The following RIPOR3 variants were observed in gnomAD, a reference collection of about 807,000 sequenced individuals.
RIPOR3 encodes family with sequence similarity 65 member C.
RIPOR3 carries 95 observed loss-of-function variants against 114.3 expected under a neutral mutation model. The ratio of observed to expected loss-of-function variants is 0.83; its 90% confidence interval spans 0.70 to 0.99. The LOEUF (loss-of-function observed/expected upper bound fraction) is 0.99. Among genes scored for constraint, RIPOR3 ranks in the 50% least tolerant of loss-of-function variants. RIPOR3 has a pLI of 0.00. For missense variants in RIPOR3, 1,252 were observed against 1,266.9 expected, an observed-to-expected ratio of 0.99 and a Z score of 0.18; for synonymous variants, 575 against 543.8, an observed-to-expected ratio of 1.06 and a Z score of -0.80.
Position 50,652,624 on chromosome 20 carries a change from G to T in RIPOR3, c.4-21768C>A, listed in dbSNP as rs572257423. ...AAAAAAAAAAAAAAAGAAAAGAAAA[G>T]AAAAGAAAGAAAGAAAAGAAAAGAA... On this transcript the variant is annotated intron_variant, in intron 1 of 21. Transcript: ENST00000327979. Among the ~76,000 whole-genome samples, 228 of 141,424 alleles carry T rather than the reference G, an allele frequency of 1.6e-3. 3 individuals are homozygous for T. Among genetic ancestry groups the T allele is most frequent in the Admixed American group, 5.2e-3 (73 of 14,110 alleles). 92.8% of individuals were successfully genotyped at this position (141,424 alleles called of 152,430 possible).
At chr20:50,623,736 C>T (rs1389550684) in intron 2 of RIPOR3, among the ~76,000 whole-genome samples, 8 of 152,204 alleles carry the variant, frequency 5.3e-5, no homozygotes, top group Non-Finnish European at 1.2e-4. Context: ...CTGGTGAGAA[C>T]ACGTGAGCCT....
chr20:50,592,535 C>A lies in RIPOR3; in HGVS notation c.2386G>T (p.Glu796Ter), dbSNP rs368911042. 125 of 1,559,892 alleles carry A rather than the reference C, an allele frequency of 8.0e-5. No homozygotes were observed. The highest frequency in any genetic ancestry group is 1.1e-4 in the Non-Finnish European group (122 of 1,150,204). ...TQLTKEVTLI[E>*]ELHCAGQAKV... ...GCCTGTCCCGCACAGTGAAGCTCCT[C>A]GATGAGTGTCACTAGAAGACAGGAA... The change falls in exon 19 of 22, where the codon GAG becomes TAG. Residue 796 changes from glutamate (E) to a stop codon, truncating the protein, a stop_gained. Coordinates refer to ENST00000327979, the MANE Select transcript of RIPOR3 (RefSeq NM_001290268.2). LOFTEE classifies it high-confidence loss of function.
In RIPOR3 at chr20:50,604,915, T is replaced by C. The variant is rs1254248818; in HGVS notation, c.957-141A>G. ...ATAGCATGGATGGTGTGTGAGGAGC[T>C]CTGCTCTAAACTGTTGCTTGTTTTT... On this transcript the variant is annotated intron_variant, in intron 11 of 21. Coordinates refer to ENST00000327979, the MANE Select transcript of RIPOR3 (RefSeq NM_001290268.2). 7.3e-6 allele frequency: 8 copies of C among 1,090,802 alleles called. No homozygotes were observed. In the East Asian group the frequency reaches 2.1e-4, roughly 28 times the overall value. 67.6% of individuals were successfully genotyped at this position (1,090,802 alleles called of 1,614,324 possible).
chr20:50,647,044 G>A (rs1338927258), intron 1 of RIPOR3, among the ~76,000 whole-genome samples: 3 of 152,170 alleles, frequency 2.0e-5, no homozygotes, highest in Admixed American at 6.6e-5. Flanking sequence ...AAAGGGGGCC[G>A]GGCGTGGTGG....
intron 1 of RIPOR3, among the ~76,000 whole-genome samples, chr20:50,664,115 C>T (rs994359944): frequency 4.6e-5 from 7 of 152,012 alleles, no homozygotes; most frequent in Non-Finnish European, 7.4e-5. Context: ...TTAGTAGAGA[C>T]GGGGTTTCAC....
At chr20:50,689,435 C>G (rs6020696) in intron 1 of RIPOR3, among the ~76,000 whole-genome samples, 20,787 of 152,182 alleles carry the variant, frequency 0.14, 1,495 homozygotes, top group East Asian at 0.22. Context: ...CTTGGCCTCT[C>G]AAAGTGCTGA....
At chr20:50,648,528 G>T (rs1419249840) in intron 1 of RIPOR3, among the ~76,000 whole-genome samples, 1 of 151,884 alleles carries the variant, frequency 6.6e-6, no homozygotes, top group African/African-American at 2.4e-5. Flanking sequence ...GTGGGGGTTG[G>T]GTGGGTGGTT....
chr20:50,670,138 C>T (rs910318903), intron 1 of RIPOR3, among the ~76,000 whole-genome samples: 1 of 107,006 alleles, frequency 9.3e-6, no homozygotes, highest in Admixed American at 1.4e-4. Flanking sequence ...GCCTGGGCAA[C>T]AAGAGCAGAA....
intron 1 of RIPOR3, among the ~76,000 whole-genome samples, chr20:50,675,905 A>G (rs1490940181): frequency 6.6e-6 from 1 of 152,196 alleles, no homozygotes; most frequent in Admixed American, 6.5e-5. Context: ...GCCAGCATCG[A>G]TGGTGCAGGG....
At chr20:50,647,146 C>G (rs1017479825) in intron 1 of RIPOR3, among the ~76,000 whole-genome samples, 2 of 152,088 alleles carry the variant, frequency 1.3e-5, no homozygotes, top group Admixed American at 6.6e-5. Flanking sequence ...ATGGCAAAAC[C>G]CTGTCTCTAT....
chr20:50,632,297 G>A (rs2084844532), intron 1 of RIPOR3, among the ~76,000 whole-genome samples: 2 of 152,174 alleles, frequency 1.3e-5, no homozygotes, highest in African/African-American at 2.4e-5. Flanking sequence ...AAGAGTAAAA[G>A]GGGAATTCAG....
At chr20:50,669,883 G>T (rs549376997) in intron 1 of RIPOR3, among the ~76,000 whole-genome samples, 1 of 151,602 alleles carries the variant, frequency 6.6e-6, no homozygotes, top group African/African-American at 2.4e-5. Context: ...AAGGCTGGGC[G>T]CAGTGGCTCA....
chr20:50,648,767 C>T (rs746693044), intron 1 of RIPOR3, among the ~76,000 whole-genome samples: 11 of 151,972 alleles, frequency 7.2e-5, no homozygotes, highest in African/African-American at 1.2e-4. Context: ...CCCTCGCATG[C>T]GTAGTTCACA....
At chr20:50,647,177 A>C (rs1327038370) in intron 1 of RIPOR3, among the ~76,000 whole-genome samples, 1 of 152,062 alleles carries the variant, frequency 6.6e-6, no homozygotes, top group Non-Finnish European at 1.5e-5. Flanking sequence ...AAAATTAGCC[A>C]GGCGTGGTGG....
chr20:50,604,599 A>G (rs1342334804), intron 12 of RIPOR3, 46 bp downstream of exon 12: 2 of 1,569,492 alleles, frequency 1.3e-6, no homozygotes, highest in Non-Finnish European at 1.7e-6. Context: ...TGCTGCCCCC[A>G]TCCCAGGGTG....
In RIPOR3 at chr20:50,625,072, T is replaced by TG. The variant is rs113836148; in HGVS notation, c.123-4941_123-4940insC. Among the ~76,000 whole-genome samples the TG allele has an allele frequency of 2.2e-3, 322 of 149,628 alleles. 2 individuals are homozygous for TG. Among genetic ancestry groups the TG allele is most frequent in the African/African-American group, 7.5e-3 (307 of 41,118 alleles). On this transcript the variant is annotated intron_variant, in intron 2 of 21. Coordinates refer to ENST00000327979, the MANE Select transcript of RIPOR3 (RefSeq NM_001290268.2). Reference sequence around the variant, plus strand: ...CAAATTCTGCTCTCAGTGCTTTTGTTTTTTTTTTTTTTAATTGAGACAAGG... The same window carrying TG: ...CAAATTCTGCTCTCAGTGCTTTTGTTGTTTTTTTTTTTTAATTGAGACAAGG...
rs765056807 is a variant in RIPOR3 at position 50,597,611 on chromosome 20, G to A, written c.1759C>T (p.Leu587=). Residue 587 remains leucine, a synonymous_variant, in exon 14 of 22, where the codon CTG becomes TTG. Transcript: ENST00000327979. ...FLNADFALDE[L]SLFGGSQGLR... is the part of the protein sequence containing the mutation. ...CCCTGGGAGCCCCCAAACAGGGACA[G>A]CTCATCCAGGGCGAAGTCGGCATTG... is the stretch of plus-strand genomic sequence containing the variant. 1.2e-6 allele frequency: 2 copies of A among 1,610,538 alleles called. No homozygotes were observed. Among genetic ancestry groups the A allele is most frequent in the South Asian group, 2.2e-5 (2 of 90,292 alleles).
chr20:50,633,763 G>A (rs1349290519), intron 1 of RIPOR3, among the ~76,000 whole-genome samples: 1 of 152,124 alleles, frequency 6.6e-6, no homozygotes, highest in Non-Finnish European at 1.5e-5. Flanking sequence ...ACAAGCCCCA[G>A]GTCCTCCTGC....
chr20:50,669,336 A>T (rs2086379663), intron 1 of RIPOR3, among the ~76,000 whole-genome samples: 1 of 152,168 alleles, frequency 6.6e-6, no homozygotes, highest in African/African-American at 2.4e-5. Context: ...TTTTACCACG[A>T]TTGTGACTAA....
Sources: gnomAD v4.1 joint callset for allele counts (sites outside exome capture counted in the v4.1 genomes callset) on GRCh38, gnomAD v4.1.1 for gene constraint, MANE v1.5 for transcripts, NCBI Gene and HGNC (gene_info 2026-07-23, HGNC 2026-07-21) for gene names.